The following ARHGAP24 variants were observed in gnomAD, a reference collection of about 807,000 sequenced individuals.
The protein encoded by ARHGAP24 is rho GTPase-activating protein 24.
In ARHGAP24, 50 loss-of-function variants were observed where a neutral mutation model predicts 76.4. The ratio of observed to expected loss-of-function variants is 0.65; its 90% CI spans 0.52 to 0.83. The LOEUF (loss-of-function observed/expected upper bound fraction) is 0.83. ARHGAP24 is among the 40% of genes least tolerant of loss of function. ARHGAP24 has a pLI of 0.00. For synonymous variants in ARHGAP24, 345 were observed against 323.3 expected (o/e 1.07, Z -0.72); for missense variants, 930 against 914.2 (o/e 1.02, Z -0.22).
At chr4:85,768,232 T>C (rs1726999984) in intron 3 of ARHGAP24, among the ~76,000 whole-genome samples, 2 of 152,184 alleles carry the variant, frequency 1.3e-5, no homozygotes, top group African/African-American at 2.4e-5. Context: ...ATTTTTTTAT[T>C]CAAAATCTAA....
At chr4:85,728,229 T>G (rs1235816461) in intron 3 of ARHGAP24, among the ~76,000 whole-genome samples, 2 of 118,894 alleles carry the variant, frequency 1.7e-5, no homozygotes, top group Non-Finnish European at 3.3e-5. Flanking sequence ...TTGATCCTTT[T>G]GCCAAAAAAA....
At chr4:85,900,237 C>T (rs765340210) in intron 3 of ARHGAP24, among the ~76,000 whole-genome samples, 172 of 152,176 alleles carry the variant, frequency 1.1e-3, no homozygotes, top group Non-Finnish European at 1.9e-3. Context: ...TTATCAATAT[C>T]AGTATTCTAT....
intron 3 of ARHGAP24, among the ~76,000 whole-genome samples, chr4:85,813,818 T>TATATATATA (rs1729116624): frequency 7.3e-6 from 1 of 137,160 alleles, no homozygotes; most frequent in African/African-American, 2.8e-5. Context: ...TATATTTATT[T>TATATATATA]TATATATATA....
intron 3 of ARHGAP24, among the ~76,000 whole-genome samples, chr4:85,872,532 G>T (rs1436711873): frequency 3.4e-5 from 5 of 149,236 alleles, no homozygotes; most frequent in African/African-American, 1.2e-4. Flanking sequence ...CTGACCTCAG[G>T]TGATCCGTCC....
chr4:85,964,128 C>A (rs55810021), intron 5 of ARHGAP24, among the ~76,000 whole-genome samples: 68 of 152,040 alleles, frequency 4.5e-4, no homozygotes, highest in Non-Finnish European at 8.2e-4. Flanking sequence ...TATATATGAA[C>A]CAGGCATTTG....
intron 5 of ARHGAP24, among the ~76,000 whole-genome samples, chr4:85,948,862 T>C (rs796687224): frequency 5.9e-5 from 9 of 152,308 alleles, no homozygotes; most frequent in African/African-American, 2.2e-4. Context: ...GGCCATTTCC[T>C]ACATCGAGAC....
chr4:85,611,513 G>A (rs1266796951), intron 2 of ARHGAP24, among the ~76,000 whole-genome samples: 1 of 152,116 alleles, frequency 6.6e-6, no homozygotes, highest in African/African-American at 2.4e-5. Context: ...ATTGTGTTTA[G>A]CACTTTCTTT....
At chr4:85,890,353 C>A (rs150758845) in intron 3 of ARHGAP24, among the ~76,000 whole-genome samples, 1 of 152,260 alleles carries the variant, frequency 6.6e-6, no homozygotes, top group East Asian at 1.9e-4. Flanking sequence ...CCTATTGTGG[C>A]AGAATTTTTG....
intron 3 of ARHGAP24, among the ~76,000 whole-genome samples, chr4:85,752,334 T>G (rs13110485): frequency 6.6e-6 from 1 of 152,014 alleles, no homozygotes; most frequent in Non-Finnish European, 1.5e-5. Context: ...CCAGGAAGCA[T>G]CCCTTCCCTT....
chr4:85,617,701 A>G (rs1720585625), intron 2 of ARHGAP24, among the ~76,000 whole-genome samples: 1 of 152,210 alleles, frequency 6.6e-6, no homozygotes, highest in African/African-American at 2.4e-5. Flanking sequence ...TTGTACATGT[A>G]TAACATATCA....
chr4:85,844,851 T>C (rs964345064), intron 3 of ARHGAP24, among the ~76,000 whole-genome samples: 2 of 152,226 alleles, frequency 1.3e-5, no homozygotes, highest in African/African-American at 4.8e-5. Context: ...TGGTGAATCT[T>C]AGGGGAGATG....
At chr4:85,786,394 T>C (rs1406725718) in intron 3 of ARHGAP24, among the ~76,000 whole-genome samples, 1 of 152,244 alleles carries the variant, frequency 6.6e-6, no homozygotes. Flanking sequence ...TCATAGGAGC[T>C]ACTTTTTAGT....
chr4:85,784,931 CTAT>C (rs1727747799), intron 3 of ARHGAP24, among the ~76,000 whole-genome samples: 1 of 151,234 alleles, frequency 6.6e-6, no homozygotes, highest in Non-Finnish European at 1.5e-5. Flanking sequence ...ATCTATCTAT[CTAT>C]CTATCTATCT....
intron 2 of ARHGAP24, among the ~76,000 whole-genome samples, chr4:85,693,309 G>A (rs1185563843): frequency 6.6e-6 from 1 of 152,170 alleles, no homozygotes; most frequent in Non-Finnish European, 1.5e-5. Flanking sequence ...TAGGTGTTCT[G>A]GGATGCAGGG....
chr4:85,543,381 G>A (rs890695878), intron 1 of ARHGAP24, among the ~76,000 whole-genome samples: 7 of 152,178 alleles, frequency 4.6e-5, no homozygotes, highest in African/African-American at 1.7e-4. Flanking sequence ...GCAAAGGGCT[G>A]GCAGTGAAGG....
chr4:85,574,562 T>C (rs1727294281), intron 2 of ARHGAP24, among the ~76,000 whole-genome samples: 1 of 152,144 alleles, frequency 6.6e-6, no homozygotes, highest in South Asian at 2.1e-4. Flanking sequence ...ATGGCAAGAA[T>C]GCAGTTAGAG....
At chr4:85,817,144 G>T (rs1221199116) in intron 3 of ARHGAP24, among the ~76,000 whole-genome samples, 3 of 151,964 alleles carry the variant, frequency 2.0e-5, no homozygotes, top group Non-Finnish European at 4.4e-5. Flanking sequence ...ATTAAGTTGA[G>T]TCCCTTATAT....
chr4:85,510,855 C>T (rs1724255416), intron 1 of ARHGAP24, among the ~76,000 whole-genome samples: 1 of 136,946 alleles, frequency 7.3e-6, no homozygotes, highest in African/African-American at 2.7e-5. Flanking sequence ...TCCTCTGAGT[C>T]TCTATTCTCA....
intron 8 of ARHGAP24, among the ~76,000 whole-genome samples, chr4:85,984,095 G>T (rs1025642621): frequency 1.3e-5 from 2 of 152,152 alleles, no homozygotes; most frequent in African/African-American, 4.8e-5. Context: ...TTCAATTATA[G>T]TATGAAAAAT....
Sources: allele counts gnomAD v4.1 joint callset (sites outside exome capture counted in the v4.1 genomes callset), GRCh38; gene constraint gnomAD v4.1.1; transcripts MANE v1.5; gene names NCBI Gene and HGNC (gene_info 2026-07-23, HGNC 2026-07-21).